SLC25A40: variants seen among roughly 807,000 people sequenced by gnomAD.
The protein encoded by SLC25A40 is solute carrier family 25 member 40, also known as mitochondrial glutathione transporter SLC25A40.
A neutral mutation model predicts 46.5 loss-of-function variants in SLC25A40; 41 were observed. The ratio of observed to expected loss-of-function variants is 0.88; its 90% CI spans 0.69 to 1.14. The LOEUF (loss-of-function observed/expected upper bound fraction) is 1.14, where lower values mean the gene tolerates loss of function less well. SLC25A40 is among the 50% of genes most tolerant of loss of function. The pLI is 0.00. For missense variants in SLC25A40, 386 were observed against 393.6 expected, an observed-to-expected ratio of 0.98 and a Z score of 0.16; for synonymous variants, 126 against 127.5, an observed-to-expected ratio of 0.99 and a Z score of 0.08.
intron 3 of SLC25A40, among the ~76,000 whole-genome samples, chr7:87,856,839 T>C (rs927472966): frequency 3.3e-5 from 5 of 152,172 alleles, no homozygotes; most frequent in Non-Finnish European, 7.4e-5. Context: ...CATTTGGGCA[T>C]AGCACAGCAA....
rs1252779171 is a variant in SLC25A40 at position 87,860,655 on chromosome 7, AAAGT to A, written c.-93-19_-93-16del. Reference sequence around the variant, plus strand: ...TAGCCAAAAACCTGTAATTAAGAAGAAAGTAATTGTCTTATCTTTTCACACAGGA... The same window carrying A: ...TAGCCAAAAACCTGTAATTAAGAAGAAATTGTCTTATCTTTTCACACAGGA... On this transcript the variant is annotated splice_polypyrimidine_tract_variant and intron_variant, in intron 1 of 11. Transcript: ENST00000341119. 1.3e-5 allele frequency: 2 copies of A among 152,214 alleles called. No homozygotes were observed. Among genetic ancestry groups the A allele is most frequent in the Non-Finnish European group, 2.9e-5 (2 of 68,032 alleles). The allele number at this position is 152,214 out of a possible 1,614,324, so 9.4% of individuals were successfully genotyped here. A position where few individuals can be genotyped will look rare whatever the true frequency, so the allele number is the denominator to read the frequency against.
intron 4 of SLC25A40, among the ~76,000 whole-genome samples, chr7:87,854,673 G>T (rs568380654): frequency 2.6e-5 from 4 of 151,904 alleles, no homozygotes; most frequent in African/African-American, 9.7e-5. Flanking sequence ...TTAGCTGGGC[G>T]TGGTGGCGGG....
chr7:87,846,600 C>T (rs1838424680), intron 8 of SLC25A40, among the ~76,000 whole-genome samples: 2 of 152,132 alleles, frequency 1.3e-5, no homozygotes, highest in Admixed American at 1.3e-4. Context: ...TAAATGGATT[C>T]TATCCTTTGA....
chr7:87,862,347 T>C (rs1838719029), intron 1 of SLC25A40, among the ~76,000 whole-genome samples: 2 of 152,158 alleles, frequency 1.3e-5, no homozygotes, highest in South Asian at 4.1e-4. Flanking sequence ...AAATTCCTCT[T>C]TTCTATACCT....
At chr7:87,871,011 A>C (rs1426045832) in intron 1 of SLC25A40, among the ~76,000 whole-genome samples, 2 of 152,178 alleles carry the variant, frequency 1.3e-5, no homozygotes, top group African/African-American at 4.8e-5. Flanking sequence ...CTGGGGCTTC[A>C]GGGGTCACAG....
At chr7:87,867,659 A>T (rs1447755378) in intron 1 of SLC25A40, among the ~76,000 whole-genome samples, 1 of 152,074 alleles carries the variant, frequency 6.6e-6, no homozygotes, top group Non-Finnish European at 1.5e-5. Flanking sequence ...ATTTATGTCC[A>T]TATCTTTGCA....
intron 1 of SLC25A40, among the ~76,000 whole-genome samples, chr7:87,871,757 G>A (rs1197423289): frequency 6.6e-6 from 1 of 152,148 alleles, no homozygotes; most frequent in African/African-American, 2.4e-5. Context: ...TAGGGATGCT[G>A]ATCCATAATT....
chr7:87,873,200 A>G (rs1025324405), intron 1 of SLC25A40, among the ~76,000 whole-genome samples: 2 of 152,198 alleles, frequency 1.3e-5, no homozygotes, highest in Non-Finnish European at 2.9e-5. Flanking sequence ...ACAGGAAAAA[A>G]TAATTGCTGA....
chr7:87,836,789 G>T lies in SLC25A40; in HGVS notation c.845C>A (p.Ser282Ter). 1.3e-6 allele frequency: 2 copies of T among 1,521,288 alleles called. No individual in the cohort carries two copies. The highest frequency in any genetic ancestry group is 1.3e-5 in the South Asian group (1 of 77,452). The allele number at this position is 1,521,288 out of a possible 1,614,324, so 94.2% of individuals were successfully genotyped here. A position where few individuals can be genotyped will look rare whatever the true frequency, so the allele number is the denominator to read the frequency against. Residue 282 changes from serine to a stop codon, truncating the protein, a stop_gained, in exon 11 of 12, where the codon TCA becomes TAA. Transcript: ENST00000341119. LOFTEE classifies it high-confidence loss of function. ...SHKISMPLHMSTWIIMKNIVA... is the reference protein window; with the variant it reads ...SHKISMPLHM Reference sequence around the variant, plus strand: ...AATGTTCTTCATTATAATCCAGGTTGACATATGCAAAGGCATAGAAACTAA... The same window carrying T: ...AATGTTCTTCATTATAATCCAGGTTTACATATGCAAAGGCATAGAAACTAA...
intron 5 of SLC25A40, among the ~76,000 whole-genome samples, chr7:87,850,410 A>T (rs1419433183): frequency 6.6e-6 from 1 of 152,218 alleles, no homozygotes; most frequent in Non-Finnish European, 1.5e-5. Context: ...AAGATAAAGT[A>T]ATTAAAAATT....
chr7:87,858,813 C>G, intron 2 of SLC25A40, 62 bp from the exon 3 acceptor site: 1 of 905,678 alleles, frequency 1.1e-6, no homozygotes. Context: ...TGATAACATC[C>G]TTCAGCTAAG....
chr7:87,845,246 T>A (rs1838395777), intron 8 of SLC25A40, among the ~76,000 whole-genome samples: 1 of 152,128 alleles, frequency 6.6e-6, no homozygotes, highest in Admixed American at 6.5e-5. Context: ...ACACTGCAGA[T>A]CCCTGAAGCA....
chr7:87,846,006 G>T (rs79061685), intron 8 of SLC25A40, among the ~76,000 whole-genome samples: 5,964 of 151,966 alleles, frequency 0.039, 390 homozygotes, highest in African/African-American at 0.14. Flanking sequence ...ACTTTCAAAG[G>T]TACACCAAGA....
At chr7:87,845,357 C>T (rs1346965854) in intron 8 of SLC25A40, among the ~76,000 whole-genome samples, 1 of 152,084 alleles carries the variant, frequency 6.6e-6, no homozygotes, top group East Asian at 1.9e-4. Flanking sequence ...AGGAGGTGAG[C>T]GGCGGGTGAG....
At chr7:87,868,287 A>G (rs912047236) in intron 1 of SLC25A40, among the ~76,000 whole-genome samples, 2 of 152,168 alleles carry the variant, frequency 1.3e-5, no homozygotes, top group African/African-American at 4.8e-5. Flanking sequence ...ATACTCTCAA[A>G]CCGTGTTTTT....
intron 3 of SLC25A40, among the ~76,000 whole-genome samples, chr7:87,857,833 A>G (rs957575390): frequency 6.6e-6 from 1 of 152,210 alleles, no homozygotes; most frequent in Non-Finnish European, 1.5e-5. Context: ...AGACAACCAT[A>G]AGGTCTGACT....
chr7:87,865,567 T>G (rs1453495305), intron 1 of SLC25A40, among the ~76,000 whole-genome samples: 1 of 152,120 alleles, frequency 6.6e-6, no homozygotes, highest in Non-Finnish European at 1.5e-5. Flanking sequence ...GGCCACAAGT[T>G]TGAGACCTGC....
In SLC25A40 at chr7:87,866,668, C is replaced by CT. The variant is rs1271619911; in HGVS notation, c.-93-6029dup. On this transcript the variant is annotated intron_variant, in intron 1 of 11. Coordinates refer to ENST00000341119, the MANE Select transcript of SLC25A40 (RefSeq NM_018843.4). ...CCGCTCAGCGGCATTCCACAGGTTG[C>CT]TCAGGGAGATAACACTCCTTGAAGC... Among the ~76,000 whole-genome samples, 27 of 152,300 alleles carry CT rather than the reference C, an allele frequency of 1.8e-4. 1 individual carries two copies. The highest frequency in any genetic ancestry group is 6.5e-4 in the Admixed American group (10 of 15,306).
chr7:87,843,757 A>G lies in SLC25A40; in HGVS notation c.738T>C (p.Gly246=). 1 of 1,600,556 alleles carries G rather than the reference A, an allele frequency of 6.2e-7. No individual in the cohort carries two copies. Among genetic ancestry groups the G allele is most frequent in the Non-Finnish European group, 8.5e-7 (1 of 1,169,800 alleles). ...MINFTSGALS[G]SFAAVATLPF... The stretch of plus-strand genomic sequence containing the variant: ...AACAACAAAAGAATAAACTTACAGA[A>G]CCAGACAATGCCCCTGAAGTAAAGT... Residue 246 remains glycine (G), a synonymous_variant, in exon 9 of 12, where the codon GGT becomes GGC. Transcript: ENST00000341119.
Sources: allele counts gnomAD v4.1 joint callset (sites outside exome capture counted in the v4.1 genomes callset), GRCh38; gene constraint gnomAD v4.1.1; transcripts MANE v1.5; gene names NCBI Gene and HGNC (gene_info 2026-07-23, HGNC 2026-07-21).